Variants in USP45 observed in about 807,000 individuals in gnomAD.
USP45 encodes ubiquitin carboxyl-terminal hydrolase 45.
USP45 carries 89 observed loss-of-function variants against 95.8 expected under a neutral mutation model. The observed-to-expected ratio is 0.93, with a 90% confidence interval of 0.78 to 1.11. USP45 has a LOEUF of 1.11. Ranked by LOEUF, USP45 falls within the 50% of genes least tolerant of loss-of-function variation. The pLI, the probability that USP45 is intolerant of heterozygous loss-of-function variation, is 0.00. For synonymous variants in USP45, 281 were observed against 316.2 expected (o/e 0.89, Z 1.18); for missense variants, 898 against 942.5 (o/e 0.95, Z 0.62).
In USP45 at chr6:99,467,341, T is replaced by C. The variant is rs1323122022; in HGVS notation, c.1016-578A>G. Among the ~76,000 whole-genome samples the C allele has an allele frequency of 2.0e-5, 3 of 152,130 alleles. No homozygotes were observed. In the South Asian group the frequency reaches 6.2e-4, roughly 32 times the overall value. On this transcript the variant is annotated intron_variant, in intron 10 of 17. Transcript: ENST00000500704. Reference sequence around the variant, plus strand: ...ACATAAACCATGAACGCAGTTTAAGTTGGGTGACAGATATAAAGGGCTGCA... The same window carrying C: ...ACATAAACCATGAACGCAGTTTAAGCTGGGTGACAGATATAAAGGGCTGCA...
At chr6:99,453,038 G>C (rs1017158358) in intron 13 of USP45, among the ~76,000 whole-genome samples, 1 of 152,040 alleles carries the variant, frequency 6.6e-6, no homozygotes, top group Non-Finnish European at 1.5e-5. Context: ...GGGGTGGCGG[G>C]AGCAGGGAGG....
intron 13 of USP45, among the ~76,000 whole-genome samples, chr6:99,458,339 G>A (rs7453739): frequency 9.2e-5 from 14 of 152,122 alleles, no homozygotes; most frequent in Non-Finnish European, 2.1e-4. Context: ...ATTACGATTG[G>A]CAGCAATCAT....
chr6:99,502,367 C>T (rs1446958528), intron 5 of USP45, among the ~76,000 whole-genome samples: 2 of 152,146 alleles, frequency 1.3e-5, no homozygotes, highest in African/African-American at 4.8e-5. Flanking sequence ...TTCCTGAGTT[C>T]TCTGACTCAT....
At chr6:99,467,588 T>C (rs1487988347) in intron 10 of USP45, among the ~76,000 whole-genome samples, 1 of 152,088 alleles carries the variant, frequency 6.6e-6, no homozygotes, top group Non-Finnish European at 1.5e-5. Flanking sequence ...TAAAATTGTA[T>C]TTAGAAATAC....
At chr6:99,463,260 A>C (rs1364398799) in intron 13 of USP45, among the ~76,000 whole-genome samples, 1 of 152,172 alleles carries the variant, frequency 6.6e-6, no homozygotes, top group Non-Finnish European at 1.5e-5. Flanking sequence ...TAATAGATCT[A>C]GACAATGGTT....
rs751350306 is a variant in USP45 at position 99,511,845 on chromosome 6, GTATA to G, written c.-10-1619_-10-1616del. On this transcript the variant is annotated intron_variant, in intron 1 of 17. Coordinates refer to ENST00000500704, the MANE Select transcript of USP45 (RefSeq NM_001346022.3). ...GACACATATATGTATGTGAGTGTGT[GTATA>G]TATATATATATATATATATATATAT... Among the ~76,000 whole-genome samples the G allele has an allele frequency of 6.1e-3, 139 of 22,780 alleles. 1 individual carries two copies. The highest frequency in any genetic ancestry group is 0.056 in the Middle Eastern group (1 of 18). The allele number at this position is 22,780 out of a possible 152,430, so 14.9% of individuals were successfully genotyped here. A position where few individuals can be genotyped will look rare whatever the true frequency, so the allele number is the denominator to read the frequency against.
chr6:99,504,794 T>C (rs1798146003), intron 4 of USP45, among the ~76,000 whole-genome samples: 1 of 152,198 alleles, frequency 6.6e-6, no homozygotes, highest in Non-Finnish European at 1.5e-5. Flanking sequence ...GGACCACTAC[T>C]TGTATTTAAG....
chr6:99,515,967 C>CG (rs1801069087), upstream of USP45, among the ~76,000 whole-genome samples: 1 of 151,746 alleles, frequency 6.6e-6, no homozygotes, highest in African/African-American at 2.4e-5. Context: ...TTAGTAGAGA[C>CG]GGGGTTTCAC....
chr6:99,488,926 C>G, intron 5 of USP45, 106 bp from the exon 6 acceptor site: 1 of 864,844 alleles, frequency 1.2e-6, no homozygotes, highest in Middle Eastern at 3.8e-4. Context: ...AGATTATCTC[C>G]CTGAATCAGT....
At chr6:99,486,399 G>A (rs572928924) in intron 7 of USP45, among the ~76,000 whole-genome samples, 2 of 151,858 alleles carry the variant, frequency 1.3e-5, no homozygotes, top group South Asian at 2.1e-4. Flanking sequence ...ACATCCAATC[G>A]CATTTAACAG....
intron 1 of USP45, chr6:99,514,739 T>C (rs969680417): frequency 1.3e-5 from 2 of 152,232 alleles, no homozygotes; most frequent in Admixed American, 6.5e-5. Flanking sequence ...AAAAGGTCAC[T>C]ATCTCCTTTT....
intron 13 of USP45, among the ~76,000 whole-genome samples, chr6:99,459,161 G>A (rs953847774): frequency 1.3e-5 from 2 of 151,894 alleles, no homozygotes; most frequent in African/African-American, 4.8e-5. Context: ...CCTCCAGTAG[G>A]CCCCAGTGTC....
intron 8 of USP45, chr6:99,482,511 C>T (rs969195845): frequency 5.2e-6 from 2 of 381,390 alleles, no homozygotes; most frequent in Non-Finnish European, 9.2e-6. Context: ...CAGCTTTTCA[C>T]TCAGACTAGG....
At chr6:99,454,560 T>C (rs1176877034) in intron 13 of USP45, among the ~76,000 whole-genome samples, 1 of 152,140 alleles carries the variant, frequency 6.6e-6, no homozygotes, top group Non-Finnish European at 1.5e-5. Context: ...AAGGAACTAA[T>C]GTTAGACATT....
intron 13 of USP45, among the ~76,000 whole-genome samples, chr6:99,460,640 A>G (rs4403271): frequency 0.31 from 47,382 of 152,056 alleles, 7,575 homozygotes; most frequent in East Asian, 0.48. Context: ...ATTTTGAAGT[A>G]TATTGATAGA....
At chr6:99,516,778 G>T (rs1801140959), upstream of USP45, among the ~76,000 whole-genome samples, 1 of 152,096 alleles carries the variant, frequency 6.6e-6, no homozygotes, top group Non-Finnish European at 1.5e-5. Context: ...CCTAGAACTT[G>T]GAAGAACAAG....
chr6:99,488,424 G>T, intron 6 of USP45, 129 bp from the exon 7 acceptor site: 1 of 707,636 alleles, frequency 1.4e-6, no homozygotes, highest in Non-Finnish European at 2.3e-6. Context: ...ATTTAGTTGA[G>T]TACATTTTAC....
rs773078849 is a variant in USP45, at chr6:99,508,773, G to A, written c.110C>T (p.Thr37Ile). ...GATAGCATGACTTACATGTTGGCAA[G>A]TTAAACCTACTGAATAAGATAAAAC... ...DSSDDIAVGL[T>I]CQHVSHAISV... Residue 37 changes from threonine (T) to isoleucine (I), a missense_variant, in exon 3 of 18, where the codon ACT (threonine) becomes ATT (isoleucine). By Grantham distance (89) the Thr-to-Ile change is moderately conservative. Coordinates refer to ENST00000500704, the MANE Select transcript of USP45 (RefSeq NM_001346022.3). The A allele has an allele frequency of 1.9e-6, 3 of 1,609,814 alleles. No individual in the cohort carries two copies. Among genetic ancestry groups the A allele is most frequent in the Non-Finnish European group, 2.5e-6 (3 of 1,178,760 alleles).
intron 13 of USP45, chr6:99,462,403 G>C: frequency 1.0e-6 from 1 of 984,078 alleles, no homozygotes; most frequent in South Asian, 4.7e-5. Context: ...CAGTACCACA[G>C]AATCTCCTAA....
Sources: gnomAD v4.1 joint callset for allele counts (sites outside exome capture counted in the v4.1 genomes callset) on GRCh38, gnomAD v4.1.1 for gene constraint, MANE v1.5 for transcripts, NCBI Gene and HGNC (gene_info 2026-07-23, HGNC 2026-07-21) for gene names.